Variants in CNTN5 observed in about 807,000 individuals in gnomAD.
CNTN5 encodes the protein contactin 5.
CNTN5 carries 77 observed loss-of-function variants against 129.1 expected under a neutral mutation model. That is an observed-to-expected ratio of 0.60 (90% CI 0.50 to 0.72). The LOEUF is 0.72. Ranked by LOEUF, CNTN5 falls within the 30% of genes least tolerant of loss-of-function variation. The pLI, the probability that CNTN5 is intolerant of heterozygous loss-of-function variation, is 0.00. For missense variants in CNTN5, 1,478 were observed against 1,328.8 expected (o/e 1.11, Z -1.75); for synonymous variants, 509 against 465.6 (o/e 1.09, Z -1.20).
chr11:99,370,845 G>C (rs188922969), intron 2 of CNTN5, among the ~76,000 whole-genome samples: 1 of 152,282 alleles, frequency 6.6e-6, no homozygotes, highest in Admixed American at 6.5e-5. Flanking sequence ...AGAATATTAT[G>C]AAATTTAGAT....
At chr11:100,179,099 T>G (rs558392680) in intron 13 of CNTN5, among the ~76,000 whole-genome samples, 2 of 152,300 alleles carry the variant, frequency 1.3e-5, no homozygotes, top group South Asian at 2.1e-4. Flanking sequence ...TCAGTTATTC[T>G]AAAATGTACA....
At chr11:100,186,152 G>A (rs1344474643) in intron 13 of CNTN5, among the ~76,000 whole-genome samples, 1 of 152,066 alleles carries the variant, frequency 6.6e-6, no homozygotes, top group Non-Finnish European at 1.5e-5. Context: ...TTGAGTCTAG[G>A]AGTTTGAGAC....
At chr11:99,942,705 G>A (rs146646921) in intron 7 of CNTN5, among the ~76,000 whole-genome samples, 1,772 of 152,060 alleles carry the variant, frequency 0.012, 20 homozygotes, top group Middle Eastern at 0.02. Context: ...AGGCCCCGGT[G>A]TATGGTGTCC....
chr11:99,781,319 T>A (rs190147534), intron 3 of CNTN5, among the ~76,000 whole-genome samples: 3 of 152,080 alleles, frequency 2.0e-5, no homozygotes, highest in Non-Finnish European at 2.9e-5. Flanking sequence ...ATGGCACTTA[T>A]ATTTTGTGAA....
intron 1 of CNTN5, among the ~76,000 whole-genome samples, chr11:99,247,924 G>A (rs144632067): frequency 0.013 from 1,966 of 152,228 alleles, 30 homozygotes; most frequent in African/African-American, 0.044. Flanking sequence ...ATAAACATAT[G>A]TGTGCAAGTG....
intron 3 of CNTN5, among the ~76,000 whole-genome samples, chr11:99,582,357 A>G (rs554505171): frequency 5.3e-5 from 8 of 152,158 alleles, no homozygotes; most frequent in African/African-American, 1.7e-4. Context: ...TATTTCCTGA[A>G]TTTGAATGTT....
intron 6 of CNTN5, among the ~76,000 whole-genome samples, chr11:99,890,895 T>C (rs1949041683): frequency 6.6e-6 from 1 of 152,156 alleles, no homozygotes; most frequent in South Asian, 2.1e-4. Flanking sequence ...CTCTGTGATC[T>C]TTCTCTCTCA....
At chr11:99,026,416 A>G (rs1464882137) in intron 1 of CNTN5, among the ~76,000 whole-genome samples, 2 of 151,646 alleles carry the variant, frequency 1.3e-5, no homozygotes, top group Non-Finnish European at 3.0e-5. Flanking sequence ...CAATGATAAG[A>G]ATTTCAAAAG....
intron 1 of CNTN5, among the ~76,000 whole-genome samples, chr11:99,092,616 G>A (rs1866298737): frequency 6.6e-6 from 1 of 151,888 alleles, no homozygotes; most frequent in Non-Finnish European, 1.5e-5. Flanking sequence ...CATTAACTTA[G>A]AAACCAACTA....
intron 13 of CNTN5, among the ~76,000 whole-genome samples, chr11:100,112,458 TTAAC>T (rs1276867392): frequency 2.0e-5 from 3 of 152,294 alleles, no homozygotes. Flanking sequence ...ATTAATGATA[TTAAC>T]TATCAGACAC....
chr11:99,088,205 A>G (rs1271562041), intron 1 of CNTN5, among the ~76,000 whole-genome samples: 4 of 152,110 alleles, frequency 2.6e-5, no homozygotes, highest in Non-Finnish European at 5.9e-5. Flanking sequence ...ATGTTCTCCT[A>G]GTGCACTCAT....
intron 2 of CNTN5, among the ~76,000 whole-genome samples, chr11:99,382,232 T>C (rs111451951): frequency 6.6e-6 from 1 of 152,074 alleles, no homozygotes; most frequent in Admixed American, 6.6e-5. Flanking sequence ...AGTTGTACCC[T>C]AGAGGAAGCA....
intron 21 of CNTN5, among the ~76,000 whole-genome samples, chr11:100,332,354 CA>C (rs147183983): frequency 8.7e-5 from 13 of 150,244 alleles, no homozygotes; most frequent in South Asian, 8.4e-4. Flanking sequence ...AAATTGCCAA[CA>C]AAAAAAAAGT....
chr11:100,267,881 A>G (rs1446426210), intron 17 of CNTN5, among the ~76,000 whole-genome samples: 1 of 152,178 alleles, frequency 6.6e-6, no homozygotes. Flanking sequence ...AGCTGTTATT[A>G]TGATTGAGAG....
chr11:99,086,193 C>G (rs1865998655), intron 1 of CNTN5, among the ~76,000 whole-genome samples: 1 of 152,186 alleles, frequency 6.6e-6, no homozygotes, highest in African/African-American at 2.4e-5. Flanking sequence ...TCGCTGGAGC[C>G]TCTCCCAGCA....
chr11:99,037,971 C>A (rs75885918), intron 1 of CNTN5, among the ~76,000 whole-genome samples: 1 of 151,900 alleles, frequency 6.6e-6, no homozygotes, highest in Non-Finnish European at 1.5e-5. Context: ...AACATAAACA[C>A]GGGGGTATTT....
At chr11:99,701,991 A>G (rs1954542281) in intron 3 of CNTN5, among the ~76,000 whole-genome samples, 2 of 151,146 alleles carry the variant, frequency 1.3e-5, no homozygotes, top group Admixed American at 1.3e-4. Context: ...ACAAGAGGCC[A>G]AGGAACCCAG....
chr11:100,287,596 T>A (rs1437972122), intron 18 of CNTN5, among the ~76,000 whole-genome samples: 1 of 150,204 alleles, frequency 6.7e-6, no homozygotes, highest in East Asian at 2.0e-4. Context: ...CTAAAAGAGC[T>A]CCTGAAGGAA....
At chr11:100,061,797 A>G (rs2137810263) in intron 10 of CNTN5, among the ~76,000 whole-genome samples, 1 of 152,296 alleles carries the variant, frequency 6.6e-6, no homozygotes, top group African/African-American at 2.4e-5. Flanking sequence ...TGTTGGAACA[A>G]AGTCACACCC....
Sources: gnomAD v4.1 joint callset for allele counts (sites outside exome capture counted in the v4.1 genomes callset) on GRCh38, gnomAD v4.1.1 for gene constraint, MANE v1.5 for transcripts, NCBI Gene and HGNC (gene_info 2026-07-23, HGNC 2026-07-21) for gene names.